WBP4: variants seen among roughly 807,000 people sequenced by gnomAD.
WBP4 encodes WW domain-binding protein 4.
WBP4 carries 37 observed loss-of-function variants against 55.4 expected under a neutral mutation model. The ratio of observed to expected loss-of-function variants is 0.67; its 90% CI spans 0.51 to 0.88. The LOEUF is 0.88. Among genes scored for constraint, WBP4 ranks in the 40% least tolerant of loss-of-function variants. The pLI is 0.00. For missense variants in WBP4, 398 were observed against 420.8 expected (o/e 0.95, Z 0.47); for synonymous variants, 142 against 140.2 (o/e 1.01, Z -0.09).
intron 8 of WBP4, 25 bp downstream of exon 8, chr13:41,076,262 A>T (rs745635750): frequency 7.1e-6 from 9 of 1,260,008 alleles, no homozygotes; most frequent in South Asian, 1.5e-5. Context: ...TTTACTCTTC[A>T]CATCAAATTT....
In WBP4 at chr13:41,081,687, G is replaced by A. The variant is rs117089215; in HGVS notation, c.920+878G>A. 2.8e-3 allele frequency among the ~76,000 whole-genome samples: 418 copies of A among 151,180 alleles called. 8 individuals are homozygous for A. In the East Asian group the frequency reaches 0.05, roughly 18 times the overall value. ...TGGCCAGGCAGGTGCAGTGGCCCAC[G>A]CCTATAAGCCCAGTACCTTGGGAGG... is the stretch of plus-strand genomic sequence containing the variant. On this transcript the variant is annotated intron_variant, in intron 9 of 9. Transcript: ENST00000379487.
At position 41,079,635 on chromosome 13, in the gene WBP4, G is replaced by T. The variant is rs116200471; in HGVS notation, c.757-1011G>T. ...TATACACTTACTGAGAATGTATGTT[G>T]GTATAACCTTTATAGAAAACATTTC... On this transcript the variant is annotated intron_variant, in intron 8 of 9. Transcript: ENST00000379487. Among the ~76,000 whole-genome samples the T allele has an allele frequency of 4.1e-3, 623 of 151,800 alleles. 3 individuals carry two copies. The highest frequency in any genetic ancestry group is 0.014 in the African/African-American group (581 of 41,416).
intron 1 of WBP4, among the ~76,000 whole-genome samples, 181 bp from the exon 2 acceptor site, chr13:41,062,463 G>A (rs1212991549): frequency 6.6e-6 from 1 of 152,022 alleles, no homozygotes; most frequent in Non-Finnish European, 1.5e-5. Context: ...TTTCTACTCC[G>A]CTGGCAACAG....
At chr13:41,078,393 G>A (rs1878596227) in intron 8 of WBP4, among the ~76,000 whole-genome samples, 1 of 152,134 alleles carries the variant, frequency 6.6e-6, no homozygotes, top group Non-Finnish European at 1.5e-5. Context: ...CACTGGGGAA[G>A]GGATACCCCA....
At chr13:41,074,926 T>G (rs987836594) in intron 7 of WBP4, among the ~76,000 whole-genome samples, 1 of 151,832 alleles carries the variant, frequency 6.6e-6, no homozygotes, top group Non-Finnish European at 1.5e-5. Context: ...ACCGGGGAGG[T>G]GGAGGTTACA....
At position 41,065,533 on chromosome 13, in the gene WBP4, T is replaced by C. The variant is rs145575391; in HGVS notation, c.262+246T>C. ...CCATACTACTTTTGTGGTCACCTAA[T>C]CCTAGTTCTATCCTAGGTAAATGGT... On this transcript the variant is annotated intron_variant, in intron 4 of 9. Transcript: ENST00000379487. Among the ~76,000 whole-genome samples the C allele has an allele frequency of 1.9e-3, 287 of 152,318 alleles. 1 individual carries two copies. The highest frequency in any genetic ancestry group is 6.7e-3 in the African/African-American group (277 of 41,590).
At chr13:41,068,832 A>C (rs899816895) in intron 5 of WBP4, 95 bp downstream of exon 5, 7 of 1,317,700 alleles carry the variant, frequency 5.3e-6, no homozygotes, top group Admixed American at 5.5e-5. Context: ...ATGTTGGAGC[A>C]CTTTAAATAG....
intron 1 of WBP4, chr13:41,062,354 G>C (rs956057074): frequency 1.4e-5 from 13 of 915,872 alleles, no homozygotes; most frequent in Middle Eastern, 1.1e-3. Flanking sequence ...GTTCTTCTAA[G>C]ATGTTCCTTA....
chr13:41,067,358 C>T (rs1192830418), intron 4 of WBP4, among the ~76,000 whole-genome samples: 1 of 152,200 alleles, frequency 6.6e-6, no homozygotes, highest in Non-Finnish European at 1.5e-5. Context: ...AAAACAACAA[C>T]AAAACATTTC....
At chr13:41,077,422 G>A (rs531218816) in intron 8 of WBP4, among the ~76,000 whole-genome samples, 30 of 152,148 alleles carry the variant, frequency 2.0e-4, no homozygotes, top group Middle Eastern at 3.4e-3. Context: ...AACCTGGGAG[G>A]CAGAGTTTGC....
At chr13:41,073,666 G>A (rs964268087) in intron 7 of WBP4, among the ~76,000 whole-genome samples, 6 of 151,976 alleles carry the variant, frequency 3.9e-5, no homozygotes, top group Non-Finnish European at 8.8e-5. Context: ...AAATTACCCG[G>A]GCGTGGTGGT....
At position 41,065,240 on chromosome 13, in the gene WBP4, C is replaced by T. The variant is rs1398946187; in HGVS notation, c.215C>T (p.Ala72Val). ...GAGTTTGCTGCAATGGAGGCAGCTG[C>T]CCTGAAAGCATACCAAGAGGATTTG... ...SKEFAAMEAAALKAYQEDLKR... is the reference protein window; with the variant it reads ...SKEFAAMEAAVLKAYQEDLKR... Residue 72 changes from alanine (A) to valine (V), a missense_variant, in exon 4 of 10, where the codon GCC becomes GTC. Transcript: ENST00000379487. 1.2e-6 allele frequency: 2 copies of T among 1,609,548 alleles called. No individual in the cohort carries two copies. Among genetic ancestry groups the T allele is most frequent in the Non-Finnish European group, 1.7e-6 (2 of 1,178,746 alleles).
At position 41,083,265 on chromosome 13, in the gene WBP4, C is replaced by A. The variant is rs1006199434; in HGVS notation, c.*351C>A. 1.6e-5 allele frequency: 3 copies of A among 190,262 alleles called. No individual in the cohort carries two copies. Among genetic ancestry groups the A allele is most frequent in the Admixed American group, 5.4e-5 (1 of 18,516 alleles). The allele number at this position is 190,262 out of a possible 1,614,324, so 11.8% of individuals were successfully genotyped here. Reference sequence around the variant, plus strand: ...TTTATCCTGCATTGAAAATGCATTACTTTTGCACATTGATATTAACTGTTG... The same window carrying A: ...TTTATCCTGCATTGAAAATGCATTAATTTTGCACATTGATATTAACTGTTG... On this transcript the variant is annotated 3_prime_UTR_variant, in exon 10 of 10. Coordinates refer to ENST00000379487, the MANE Select transcript of WBP4 (RefSeq NM_007187.5).
chr13:41,079,871 A>G (rs896228775), intron 8 of WBP4, among the ~76,000 whole-genome samples: 3 of 152,150 alleles, frequency 2.0e-5, no homozygotes, highest in Admixed American at 6.6e-5. Flanking sequence ...ACGCACACAC[A>G]CCATGGAATA....
chr13:41,075,941 A>C (rs373376817), intron 7 of WBP4, 103 bp from the exon 8 acceptor site: 2 of 1,188,646 alleles, frequency 1.7e-6, no homozygotes, highest in Non-Finnish European at 2.4e-6. Context: ...TGAAATACAT[A>C]CAGTATTGTC....
At chr13:41,072,248 A>G (rs1375570784) in intron 6 of WBP4, among the ~76,000 whole-genome samples, 3 of 152,096 alleles carry the variant, frequency 2.0e-5, no homozygotes, top group Non-Finnish European at 4.4e-5. Context: ...CATGATTAGT[A>G]CTACCACCCC....
intron 1 of WBP4, among the ~76,000 whole-genome samples, 155 bp downstream of exon 1, chr13:41,061,830 C>G (rs541315245): frequency 9.2e-5 from 14 of 152,292 alleles, no homozygotes; most frequent in African/African-American, 3.1e-4. Flanking sequence ...CCTGCAGGGC[C>G]GGTTCTCAGG....
In WBP4 at chr13:41,071,508, C is replaced by G; in HGVS notation, c.440-19C>G. On this transcript the variant is annotated intron_variant, in intron 5 of 9. Coordinates refer to ENST00000379487, the MANE Select transcript of WBP4 (RefSeq NM_007187.5). ...TTAAAGCAAAAAGATTTTATAAATG[C>G]AATATATTTTGCTTTAAGCATCTCA... 1.3e-6 allele frequency: 2 copies of G among 1,583,528 alleles called. No homozygotes were observed. Among genetic ancestry groups the G allele is most frequent in the Non-Finnish European group, 1.7e-6 (2 of 1,169,366 alleles).
Position 41,064,008 on chromosome 13 carries a change from G to A in WBP4, c.76-1008G>A, listed in dbSNP as rs139901266. Among the ~76,000 whole-genome samples, 598 of 151,216 alleles carry A rather than the reference G, an allele frequency of 4.0e-3. 3 individuals are homozygous for A. Among genetic ancestry groups the A allele is most frequent in the African/African-American group, 0.014 (556 of 41,184 alleles). ...TCTGATTGTTTAAATAGATAATTGC[G>A]CTCACTCACCAGCCCCTGTCCCCAG... On this transcript the variant is annotated intron_variant, in intron 2 of 9. Transcript: ENST00000379487.
Sources: gnomAD v4.1 joint callset for allele counts (sites outside exome capture counted in the v4.1 genomes callset) on GRCh38, gnomAD v4.1.1 for gene constraint, MANE v1.5 for transcripts, NCBI Gene and HGNC (gene_info 2026-07-23, HGNC 2026-07-21) for gene names.